Variants in SPHKAP observed in about 807,000 individuals in gnomAD.
The protein encoded by SPHKAP is SPHK1 interactor, AKAP domain containing.
Under a neutral mutation model 137.5 loss-of-function variants are expected in SPHKAP, and 67 were observed. The ratio of observed to expected loss-of-function variants is 0.49; its 90% CI spans 0.40 to 0.60. The LOEUF (loss-of-function observed/expected upper bound fraction) is 0.60. Ranked by LOEUF, SPHKAP falls within the 20% of genes least tolerant of loss-of-function variation. The pLI, the probability that SPHKAP is intolerant of heterozygous loss-of-function variation, is 0.00. For missense variants in SPHKAP, 2,097 were observed against 2,069.3 expected (o/e 1.01, Z -0.26); for synonymous variants, 813 against 785.3 (o/e 1.04, Z -0.59).
intron 3 of SPHKAP, among the ~76,000 whole-genome samples, chr2:228,071,209 T>A (rs909790110): frequency 5.9e-5 from 9 of 152,220 alleles, no homozygotes; most frequent in African/African-American, 2.2e-4. Flanking sequence ...GTAGTTTGCC[T>A]ATCCCTTCCT....
intron 2 of SPHKAP, among the ~76,000 whole-genome samples, chr2:228,124,875 C>T (rs559899614): frequency 4.6e-5 from 7 of 152,208 alleles, no homozygotes; most frequent in African/African-American, 1.7e-4. Context: ...GTGTATTTTG[C>T]AGAATAAAAT....
chr2:228,025,098 A>T (rs35929016), intron 5 of SPHKAP, among the ~76,000 whole-genome samples: 2,049 of 152,334 alleles, frequency 0.013, 21 homozygotes, highest in Non-Finnish European at 0.022. Flanking sequence ...TTTATCCAGT[A>T]GATTTGTAGA....
chr2:228,046,291 C>CTTTTTTTTTTTT (rs58510792), intron 3 of SPHKAP, among the ~76,000 whole-genome samples: 142 of 82,434 alleles, frequency 1.7e-3, no homozygotes, highest in East Asian at 2.9e-3. Context: ...TGTTGTTATT[C>CTTTTTTTTTTTT]TTTTTTTTTT....
At chr2:227,989,511 G>A (rs891217288) in intron 11 of SPHKAP, among the ~76,000 whole-genome samples, 2 of 152,088 alleles carry the variant, frequency 1.3e-5, no homozygotes, top group African/African-American at 2.4e-5. Context: ...AATAGGATGC[G>A]ATATCATGCC....
chr2:228,051,008 G>A (rs946401962), intron 3 of SPHKAP, among the ~76,000 whole-genome samples: 1 of 152,020 alleles, frequency 6.6e-6, no homozygotes, highest in Non-Finnish European at 1.5e-5. Context: ...GTTTTGCTAT[G>A]TTGTCCAGGC....
Position 228,181,466 on chromosome 2 carries a change from C to T in SPHKAP, c.32+101G>A, listed in dbSNP as rs1345318197. On this transcript the variant is annotated intron_variant, in intron 1 of 11. Transcript: ENST00000392056. This position sits in a 1 kb window ranked among gnomAD's most constrained non-coding sequence, Gnocchi z 4.3. ...ACCCCTGTCTCCTCGCTGGGAGCCC[C>T]GTGCAAACCGAAGCGCTCTGGGGCA... 3 of 1,527,452 alleles carry T rather than the reference C, an allele frequency of 2.0e-6. No individual in the cohort carries two copies. The highest frequency in any genetic ancestry group is 2.7e-6 in the Non-Finnish European group (3 of 1,101,580). The allele number at this position is 1,527,452 out of a possible 1,614,324, so 94.6% of individuals were successfully genotyped here. A position where few individuals can be genotyped will look rare whatever the true frequency, so the allele number is the denominator to read the frequency against.
intron 3 of SPHKAP, among the ~76,000 whole-genome samples, chr2:228,093,721 G>A (rs1697885369): frequency 1.7e-5 from 2 of 117,630 alleles, no homozygotes; most frequent in Admixed American, 8.2e-5. Context: ...AGCTGAGAGT[G>A]GTGGCGGGTG....
chr2:228,117,162 C>G (rs570086674), intron 2 of SPHKAP, among the ~76,000 whole-genome samples: 1 of 152,268 alleles, frequency 6.6e-6, no homozygotes, highest in Admixed American at 6.5e-5. Flanking sequence ...ACTTTTCTCC[C>G]TACATGCCAT....
chr2:227,999,926 G>T (rs1325580920), intron 7 of SPHKAP, among the ~76,000 whole-genome samples: 1 of 152,204 alleles, frequency 6.6e-6, no homozygotes, highest in Non-Finnish European at 1.5e-5. Flanking sequence ...AGTTGGCAGA[G>T]ATTTTAGAGA....
intron 1 of SPHKAP, among the ~76,000 whole-genome samples, chr2:228,160,725 T>C (rs1455807842): frequency 6.6e-6 from 1 of 152,184 alleles, no homozygotes; most frequent in African/African-American, 2.4e-5. Context: ...CAATGACTGC[T>C]TTTAGGTGAA....
chr2:228,112,185 G>A (rs1047129162), intron 2 of SPHKAP, among the ~76,000 whole-genome samples: 6 of 152,056 alleles, frequency 3.9e-5, no homozygotes, highest in African/African-American at 9.7e-5. Context: ...ATAAAACAAA[G>A]CACTCATTAA....
Position 228,017,909 on chromosome 2 carries a change from T to G in SPHKAP, c.2945A>C (p.Lys982Thr). 6.2e-7 allele frequency: 1 copy of G among 1,614,132 alleles called. No homozygotes were observed. The highest frequency in any genetic ancestry group is 8.5e-7 in the Non-Finnish European group (1 of 1,180,020). The change falls in exon 7 of 12, where the codon AAG becomes ACG. Residue 982 changes from lysine (K) to threonine (T), a missense_variant. Coordinates refer to ENST00000392056, the MANE Select transcript of SPHKAP (RefSeq NM_001142644.2). ...GGTCCCGCTCCCCTGGCTCTCTTTC[T>G]TCCTCTTCAAGGATCGGCAGGGTAC... ...PNVPCRSLKR[K>T]KESQGSGTAV...
chr2:227,983,127 T>C (rs1430563236), intron 11 of SPHKAP, among the ~76,000 whole-genome samples: 1 of 152,138 alleles, frequency 6.6e-6, no homozygotes, highest in Non-Finnish European at 1.5e-5. Context: ...ATTATTATTA[T>C]TTTTTGGTAT....
At chr2:228,063,174 A>ATCTATCTG (rs756046439) in intron 3 of SPHKAP, among the ~76,000 whole-genome samples, 3,432 of 147,120 alleles carry the variant, frequency 0.023, 50 homozygotes, top group Middle Eastern at 0.081. Context: ...CTATCTATCT[A>ATCTATCTG]TCTGTCTGTC....
At chr2:228,006,375 C>T (rs2396520) in intron 7 of SPHKAP, among the ~76,000 whole-genome samples, 80,281 of 152,032 alleles carry the variant, frequency 0.53, 21,536 homozygotes, top group South Asian at 0.67. Flanking sequence ...TCTCGTGCCA[C>T]GGTTTTCAGC....
At chr2:228,151,697 G>T (rs1345065002) in intron 1 of SPHKAP, among the ~76,000 whole-genome samples, 2 of 152,050 alleles carry the variant, frequency 1.3e-5, no homozygotes, top group Non-Finnish European at 2.9e-5. Context: ...GTAGTGATGG[G>T]ATCTCATTCT....
chr2:228,036,988 C>G (rs1258687155), intron 3 of SPHKAP, among the ~76,000 whole-genome samples: 1 of 151,982 alleles, frequency 6.6e-6, no homozygotes, highest in Admixed American at 6.6e-5. Context: ...ACATATGTAA[C>G]AAACCTGCAC....
intron 3 of SPHKAP, among the ~76,000 whole-genome samples, chr2:228,033,121 A>G (rs973804502): frequency 1.3e-5 from 2 of 152,170 alleles, no homozygotes; most frequent in African/African-American, 2.4e-5. Context: ...AGTGTGCTGT[A>G]TTCAGGAAAC....
Position 228,016,409 on chromosome 2 carries a change from T to C in SPHKAP, c.4445A>G (p.His1482Arg), listed in dbSNP as rs758260088. 5.0e-6 allele frequency: 8 copies of C among 1,586,048 alleles called. No individual in the cohort carries two copies. Among genetic ancestry groups the C allele is most frequent in the Admixed American group, 1.8e-5 (1 of 54,452 alleles). The change falls in exon 7 of 12, where the codon CAT (histidine) becomes CGT (arginine). Residue 1482 changes from histidine to arginine, a missense_variant. By Grantham distance (29) the His-to-Arg change is conservative. Coordinates refer to ENST00000392056, the MANE Select transcript of SPHKAP (RefSeq NM_001142644.2). Reference sequence around the variant, plus strand: ...TAGTCTGAGACGATTCACTCACCTATGGATTTGACAAGCGCTCACGGCTGT... The same window carrying C: ...TAGTCTGAGACGATTCACTCACCTACGGATTTGACAAGCGCTCACGGCTGT... The part of the protein sequence containing the change: ...GDTAVSACQI[H>R]SDSLDTRDVP...
Sources: gnomAD v4.1 joint callset for allele counts (sites outside exome capture counted in the v4.1 genomes callset) on GRCh38, gnomAD v4.1.1 for gene constraint, Gnocchi (gnomAD v3.1) non-coding constraint, MANE v1.5 for transcripts, NCBI Gene and HGNC (gene_info 2026-07-23, HGNC 2026-07-21) for gene names.